Variants in ADGRL2 observed in about 807,000 individuals in gnomAD.
ADGRL2 encodes the protein adhesion G protein-coupled receptor L2.
Under a neutral mutation model 157.4 loss-of-function variants are expected in ADGRL2, and 44 were observed. The ratio of observed to expected loss-of-function variants is 0.28; its 90% CI spans 0.22 to 0.36. The LOEUF is 0.36. ADGRL2 is among the 10% of genes least tolerant of loss of function. The pLI, the probability that ADGRL2 is intolerant of heterozygous loss-of-function variation, is 1.00. For synonymous variants in ADGRL2, 585 were observed against 624.7 expected (o/e 0.94, Z 0.95); for missense variants, 1,510 against 1,768.9 (o/e 0.85, Z 2.63).
chr1:81,948,834 G>A (rs557337632), intron 6 of ADGRL2, among the ~76,000 whole-genome samples: 3 of 152,114 alleles, frequency 2.0e-5, no homozygotes, highest in African/African-American at 7.2e-5. Context: ...GAGGTAGAGG[G>A]GGGGAAAGGA....
chr1:81,411,645 C>CA (rs1257980602), intron 1 of ADGRL2, among the ~76,000 whole-genome samples: 4 of 152,114 alleles, frequency 2.6e-5, no homozygotes, highest in Non-Finnish European at 4.4e-5. Flanking sequence ...GTAATCCCAG[C>CA]ACTTTGGGAG....
intron 1 of ADGRL2, among the ~76,000 whole-genome samples, chr1:81,389,249 G>C (rs140367490): frequency 5.9e-5 from 9 of 152,190 alleles, no homozygotes; most frequent in African/African-American, 1.9e-4. Flanking sequence ...TTATTAAAAA[G>C]AGAGGTCCTG....
chr1:81,978,391 C>T (rs1335545903), intron 17 of ADGRL2, among the ~76,000 whole-genome samples: 1 of 151,696 alleles, frequency 6.6e-6, no homozygotes, highest in Non-Finnish European at 1.5e-5. Context: ...ATTGTATTTA[C>T]TTTTTCTCTA....
chr1:81,380,458 A>ATT (rs1485450520), intron 1 of ADGRL2, among the ~76,000 whole-genome samples: 6 of 152,036 alleles, frequency 3.9e-5, no homozygotes, highest in African/African-American at 1.4e-4. Context: ...AGATCTAGCT[A>ATT]TTTACTTCTT....
chr1:81,306,428 C>G (rs1022543690), exon 1 of ADGRL2: 3 of 152,022 alleles, frequency 2.0e-5, no homozygotes, highest in African/African-American at 7.3e-5. Flanking sequence ...TGAAAGGACT[C>G]AATTTACTGC....
chr1:81,745,264 T>C (rs1317708294), intron 1 of ADGRL2, among the ~76,000 whole-genome samples: 2 of 152,228 alleles, frequency 1.3e-5, no homozygotes, highest in Non-Finnish European at 2.9e-5. Context: ...CATCTGCAAA[T>C]ATTCTCTCTC....
At chr1:81,696,582 C>T (rs649256), upstream of ADGRL2, among the ~76,000 whole-genome samples, 10,440 of 151,994 alleles carry the variant, frequency 0.069, 391 homozygotes, top group East Asian at 0.11. Flanking sequence ...GAAACCCCGT[C>T]GCTACTAAAA....
intron 1 of ADGRL2, among the ~76,000 whole-genome samples, chr1:81,365,530 TA>T (rs547755160): frequency 7.4e-4 from 113 of 152,216 alleles, no homozygotes; most frequent in South Asian, 2.5e-3. Context: ...TATCAAGACT[TA>T]AAAAAATAAA....
chr1:81,494,725 A>G (rs2078697428), intron 2 of ADGRL2, among the ~76,000 whole-genome samples: 1 of 152,080 alleles, frequency 6.6e-6, no homozygotes, highest in South Asian at 2.1e-4. Flanking sequence ...CTCTCTCTTT[A>G]CAATTTTACT....
At chr1:81,340,056 A>T (rs1020733713) in intron 1 of ADGRL2, among the ~76,000 whole-genome samples, 1 of 152,206 alleles carries the variant, frequency 6.6e-6, no homozygotes, top group Non-Finnish European at 1.5e-5. Flanking sequence ...TATCACAGGA[A>T]GTGTGCTCAG....
At chr1:81,421,150 G>C (rs187113340) in intron 1 of ADGRL2, among the ~76,000 whole-genome samples, 1 of 152,148 alleles carries the variant, frequency 6.6e-6, no homozygotes, top group Non-Finnish European at 1.5e-5. Context: ...AATCCCTTTA[G>C]AGCCTCATTT....
At chr1:81,757,458 T>C (rs930303401) in intron 1 of ADGRL2, among the ~76,000 whole-genome samples, 4 of 152,146 alleles carry the variant, frequency 2.6e-5, no homozygotes, top group Admixed American at 1.3e-4. Flanking sequence ...TCTTGGCCAA[T>C]CACAGTGGCC....
chr1:81,554,972 G>A (rs546060607), intron 2 of ADGRL2, among the ~76,000 whole-genome samples: 1 of 152,168 alleles, frequency 6.6e-6, no homozygotes, highest in East Asian at 2.0e-4. Flanking sequence ...CCAAGCAAGG[G>A]CAGTAGAAGA....
intron 1 of ADGRL2, among the ~76,000 whole-genome samples, chr1:81,388,093 G>C (rs1352878939): frequency 6.6e-6 from 1 of 151,970 alleles, no homozygotes; most frequent in Non-Finnish European, 1.5e-5. Flanking sequence ...TCTGTTTCTT[G>C]CAGCTATTTT....
At chr1:81,510,138 G>T (rs2079049600) in intron 2 of ADGRL2, among the ~76,000 whole-genome samples, 1 of 152,124 alleles carries the variant, frequency 6.6e-6, no homozygotes, top group Non-Finnish European at 1.5e-5. Context: ...GAAATCAAAG[G>T]AGTTATCTTG....
chr1:81,597,798 T>G (rs965589419), intron 3 of ADGRL2, among the ~76,000 whole-genome samples: 12 of 152,194 alleles, frequency 7.9e-5, no homozygotes, highest in African/African-American at 2.9e-4. Context: ...TGTAAGTCAG[T>G]GATTGTTTGT....
intron 2 of ADGRL2, among the ~76,000 whole-genome samples, chr1:81,575,477 T>C (rs1169068369): frequency 6.6e-6 from 1 of 152,160 alleles, no homozygotes; most frequent in African/African-American, 2.4e-5. Context: ...CAGTATCTAA[T>C]AGTGCTACTA....
chr1:81,446,242 C>T (rs1041416310), intron 2 of ADGRL2, among the ~76,000 whole-genome samples: 1 of 152,078 alleles, frequency 6.6e-6, no homozygotes, highest in African/African-American at 2.4e-5. Context: ...CACAGCACAG[C>T]GTAGTTGGAG....
At chr1:81,625,043 T>G (rs1163794773) in intron 3 of ADGRL2, among the ~76,000 whole-genome samples, 2 of 152,172 alleles carry the variant, frequency 1.3e-5, no homozygotes, top group Admixed American at 1.3e-4. Flanking sequence ...AAAACACTTT[T>G]ATCTATAATA....
Sources: allele counts gnomAD v4.1 joint callset (sites outside exome capture counted in the v4.1 genomes callset), GRCh38; gene constraint gnomAD v4.1.1; transcripts MANE v1.5; gene names NCBI Gene and HGNC (gene_info 2026-07-23, HGNC 2026-07-21).